Variants in TNFSF4 observed in about 807,000 individuals in gnomAD.
The protein encoded by TNFSF4 is TNF superfamily member 4.
In TNFSF4, 4 loss-of-function variants were observed where a neutral mutation model predicts 7.3. That is an observed-to-expected ratio of 0.55 (90% confidence interval 0.27 to 1.25). The LOEUF (loss-of-function observed/expected upper bound fraction) is 1.25. Among genes scored for constraint, TNFSF4 ranks in the 50% most tolerant of loss-of-function variants. The pLI is 0.12. For missense variants in TNFSF4, 181 were observed against 208.8 expected (o/e 0.87, Z 0.82); for synonymous variants, 76 against 83.7 (o/e 0.91, Z 0.50).
At chr1:173,227,218 G>C in the TNFSF4 span, among the ~76,000 whole-genome samples, 3 of 150,520 alleles carry the variant, frequency 2.0e-5, no homozygotes, top group Non-Finnish European at 4.4e-5. Flanking sequence ...TCTAATTAAT[G>C]CCACTCCCTG....
chr1:173,357,585 G>C, the TNFSF4 span, among the ~76,000 whole-genome samples: 1 of 151,970 alleles, frequency 6.6e-6, no homozygotes, highest in Non-Finnish European at 1.5e-5. Flanking sequence ...AGGCTGGAGC[G>C]CAATGGTGCA....
the TNFSF4 span, among the ~76,000 whole-genome samples, chr1:173,243,286 C>A: frequency 2.0e-5 from 3 of 152,172 alleles, no homozygotes; most frequent in Admixed American, 2.0e-4. Flanking sequence ...GAAGCCAACT[C>A]ACCAAAGAAT....
chr1:173,376,356 A>G, the TNFSF4 span, among the ~76,000 whole-genome samples: 3 of 152,146 alleles, frequency 2.0e-5, no homozygotes, highest in Non-Finnish European at 4.4e-5. Flanking sequence ...ACCAAACACC[A>G]CATGTCCCCA....
the TNFSF4 span, among the ~76,000 whole-genome samples, chr1:173,392,213 C>G: frequency 6.6e-6 from 1 of 152,168 alleles, no homozygotes; most frequent in Non-Finnish European, 1.5e-5. Flanking sequence ...CCTCCTCTAT[C>G]AAGTGAGGGT....
At chr1:173,434,887 G>A in the TNFSF4 span, among the ~76,000 whole-genome samples, 1 of 152,310 alleles carries the variant, frequency 6.6e-6, no homozygotes, top group African/African-American at 2.4e-5. Flanking sequence ...GAAATCTAAT[G>A]CCCCATGGGA....
At chr1:173,430,024 C>CA in the TNFSF4 span, among the ~76,000 whole-genome samples, 5 of 152,202 alleles carry the variant, frequency 3.3e-5, no homozygotes, top group African/African-American at 1.2e-4. Flanking sequence ...GTCCTCAAGA[C>CA]AGAGTGTGTA....
chr1:173,277,555 A>G, the TNFSF4 span, among the ~76,000 whole-genome samples: 1 of 152,308 alleles, frequency 6.6e-6, no homozygotes, highest in African/African-American at 2.4e-5. Context: ...AAGCTGGGAC[A>G]TAATAAGTAC....
chr1:173,330,910 GTT>G, the TNFSF4 span, among the ~76,000 whole-genome samples: 1 of 139,564 alleles, frequency 7.2e-6, no homozygotes, highest in Non-Finnish European at 1.5e-5. Flanking sequence ...TTGAGACAGA[GTT>G]TCGCTCTTGT....
chr1:173,296,823 G>A, the TNFSF4 span, among the ~76,000 whole-genome samples: 37 of 152,054 alleles, frequency 2.4e-4, no homozygotes, highest in East Asian at 5.2e-3. Context: ...TTCTGGCAAG[G>A]AAAATGGTAT....
At chr1:173,338,919 G>A in the TNFSF4 span, among the ~76,000 whole-genome samples, 7 of 152,194 alleles carry the variant, frequency 4.6e-5, no homozygotes, top group South Asian at 2.1e-4. Context: ...AAAGGAAATC[G>A]GACTACTACT....
At chr1:173,224,202 T>C in the TNFSF4 span, among the ~76,000 whole-genome samples, 2 of 152,240 alleles carry the variant, frequency 1.3e-5, no homozygotes, top group African/African-American at 4.8e-5. Context: ...TAAGTGTCCA[T>C]TGCCCTATTC....
chr1:173,240,046 A>G, the TNFSF4 span, among the ~76,000 whole-genome samples: 3 of 152,256 alleles, frequency 2.0e-5, no homozygotes, highest in African/African-American at 7.2e-5. Context: ...AAGAAAAGAA[A>G]AAAAGAGAAT....
the TNFSF4 span, among the ~76,000 whole-genome samples, chr1:173,365,180 A>T: frequency 1.3e-5 from 2 of 152,068 alleles, no homozygotes; most frequent in Admixed American, 1.3e-4. Flanking sequence ...GCTAACAAAC[A>T]CAACAATGAT....
chr1:173,349,785 A>T, the TNFSF4 span, among the ~76,000 whole-genome samples: 1 of 152,234 alleles, frequency 6.6e-6, no homozygotes, highest in African/African-American at 2.4e-5. Flanking sequence ...AAAACTCTTT[A>T]TAGATTTTTA....
the TNFSF4 span, among the ~76,000 whole-genome samples, chr1:173,263,231 C>A: frequency 6.6e-6 from 1 of 152,236 alleles, no homozygotes; most frequent in Non-Finnish European, 1.5e-5. Context: ...AGATTCAATG[C>A]TATTCCCATT....
the TNFSF4 span, among the ~76,000 whole-genome samples, chr1:173,267,472 T>A: frequency 4.6e-5 from 7 of 152,222 alleles, no homozygotes; most frequent in Non-Finnish European, 1.0e-4. Flanking sequence ...ATATCTGCTC[T>A]ATTGTATGTG....
At chr1:173,206,600 T>G (rs895156528) in intron 1 of TNFSF4, among the ~76,000 whole-genome samples, 34 of 152,228 alleles carry the variant, frequency 2.2e-4, no homozygotes, top group Admixed American at 1.0e-3. Context: ...CTTGCAGGTC[T>G]ATAGGGTATA....
chr1:173,229,017 T>C, the TNFSF4 span, among the ~76,000 whole-genome samples: 1 of 152,170 alleles, frequency 6.6e-6, no homozygotes, highest in Non-Finnish European at 1.5e-5. Context: ...CAGAATATTA[T>C]CCAGGAGAAA....
At chr1:173,248,262 C>A in the TNFSF4 span, among the ~76,000 whole-genome samples, 1 of 151,826 alleles carries the variant, frequency 6.6e-6, no homozygotes, top group Non-Finnish European at 1.5e-5. Context: ...GAGGTTGAGG[C>A]AGGAGAATTG....
Sources: gnomAD v4.1 joint callset for allele counts (sites outside exome capture counted in the v4.1 genomes callset) on GRCh38, gnomAD v4.1.1 for gene constraint, MANE v1.5 for transcripts, NCBI Gene and HGNC (gene_info 2026-07-23, HGNC 2026-07-21) for gene names.